GRM8: variants seen among roughly 807,000 people sequenced by gnomAD.
GRM8 encodes the protein glutamate metabotropic receptor 8.
GRM8 carries 47 observed loss-of-function variants against 87.2 expected under a neutral mutation model. That is an observed-to-expected ratio of 0.54 (90% CI 0.43 to 0.69). GRM8 has a LOEUF of 0.69. GRM8 is among the 30% of genes least tolerant of loss of function. The pLI, the probability that GRM8 is intolerant of heterozygous loss-of-function variation, is 0.00. For synonymous variants in GRM8, 396 were observed against 404.5 expected (o/e 0.98, Z 0.25); for missense variants, 1,019 against 1,139.2 (o/e 0.89, Z 1.52).
chr7:127,216,025 G>A (rs908173929), intron 2 of GRM8, among the ~76,000 whole-genome samples: 2 of 152,162 alleles, frequency 1.3e-5, no homozygotes, highest in East Asian at 3.8e-4. Context: ...TTATGCCAAA[G>A]GATCAAATAA....
intron 7 of GRM8, among the ~76,000 whole-genome samples, chr7:126,655,901 T>C (rs1804470168): frequency 6.6e-6 from 1 of 152,186 alleles, no homozygotes; most frequent in Admixed American, 6.5e-5. Context: ...GGTACCTATA[T>C]TTATAGAAAC....
chr7:126,541,387 A>C (rs935099884), intron 8 of GRM8, among the ~76,000 whole-genome samples: 1 of 152,234 alleles, frequency 6.6e-6, no homozygotes, highest in Non-Finnish European at 1.5e-5. Flanking sequence ...AAGGTAGATA[A>C]AAGCAGTGGA....
chr7:126,778,846 T>C (rs922255053), intron 6 of GRM8, among the ~76,000 whole-genome samples: 2 of 152,068 alleles, frequency 1.3e-5, no homozygotes. Context: ...ACAGTCTATT[T>C]TTTAAATTAC....
At chr7:127,199,548 T>C (rs976568604) in intron 2 of GRM8, among the ~76,000 whole-genome samples, 9 of 152,242 alleles carry the variant, frequency 5.9e-5, no homozygotes, top group African/African-American at 2.2e-4. Context: ...CTGGCTTGGA[T>C]GCTGATTGCC....
intron 8 of GRM8, among the ~76,000 whole-genome samples, chr7:126,558,192 C>A (rs1233310796): frequency 1.3e-5 from 2 of 152,122 alleles, no homozygotes; most frequent in Non-Finnish European, 2.9e-5. Flanking sequence ...GAGTTAAGTA[C>A]ATGTAAGTAC....
chr7:127,033,852 G>A (rs977603737), intron 3 of GRM8, among the ~76,000 whole-genome samples: 2 of 152,196 alleles, frequency 1.3e-5, no homozygotes, highest in Non-Finnish European at 2.9e-5. Context: ...AATCACATGT[G>A]TAAACACATT....
intron 7 of GRM8, among the ~76,000 whole-genome samples, chr7:126,663,349 C>T (rs1413246612): frequency 6.6e-6 from 1 of 152,110 alleles, no homozygotes; most frequent in Non-Finnish European, 1.5e-5. Context: ...AAAAAGAAAA[C>T]TACAGGCCAA....
chr7:126,881,401 G>A (rs1022567724), intron 6 of GRM8, among the ~76,000 whole-genome samples: 4 of 152,178 alleles, frequency 2.6e-5, no homozygotes, highest in Non-Finnish European at 4.4e-5. Flanking sequence ...GCACAGGACC[G>A]AAGTAGGACA....
At chr7:127,078,753 C>T (rs1822546506) in intron 3 of GRM8, among the ~76,000 whole-genome samples, 2 of 152,186 alleles carry the variant, frequency 1.3e-5, no homozygotes, top group Admixed American at 1.3e-4. Context: ...AATGTAACAG[C>T]CTATCTAAAT....
At chr7:126,753,925 C>T (rs903723174) in intron 7 of GRM8, among the ~76,000 whole-genome samples, 1 of 151,892 alleles carries the variant, frequency 6.6e-6, no homozygotes, top group Admixed American at 6.6e-5. Flanking sequence ...ATATCATTGC[C>T]TTTGCCAGGA....
chr7:126,552,678 C>A (rs1023699490), intron 8 of GRM8, among the ~76,000 whole-genome samples: 1 of 152,056 alleles, frequency 6.6e-6, no homozygotes, highest in African/African-American at 2.4e-5. Context: ...TTGGCCAAAG[C>A]ATTTTAGCTA....
At chr7:126,805,655 C>G (rs1792601826) in intron 6 of GRM8, among the ~76,000 whole-genome samples, 2 of 152,176 alleles carry the variant, frequency 1.3e-5, no homozygotes, top group South Asian at 4.2e-4. Context: ...CTGAACTCAG[C>G]TATCTTTTCA....
At chr7:126,949,897 T>C (rs17867123) in intron 3 of GRM8, among the ~76,000 whole-genome samples, 100 of 152,312 alleles carry the variant, frequency 6.6e-4, no homozygotes, top group African/African-American at 2.3e-3. Context: ...ATAGTCATGA[T>C]GAAAATGCCT....
At chr7:126,451,463 T>A (rs991296983) in intron 9 of GRM8, among the ~76,000 whole-genome samples, 2 of 151,746 alleles carry the variant, frequency 1.3e-5, no homozygotes, top group African/African-American at 4.8e-5. Context: ...CTCATTTGGA[T>A]CAGTACTGTA....
chr7:126,744,948 T>C (rs74680140), intron 7 of GRM8, among the ~76,000 whole-genome samples: 73 of 145,628 alleles, frequency 5.0e-4, no homozygotes, highest in East Asian at 3.3e-3. Context: ...AAATATGTTA[T>C]TTATTAACAT....
chr7:126,921,947 G>C (rs1375945289), intron 3 of GRM8, among the ~76,000 whole-genome samples: 1 of 152,076 alleles, frequency 6.6e-6, no homozygotes, highest in African/African-American at 2.4e-5. Flanking sequence ...ATGATGAAGA[G>C]AAGCAGAGTT....
chr7:126,540,954 G>A (rs1428042469), intron 8 of GRM8, among the ~76,000 whole-genome samples: 1 of 152,182 alleles, frequency 6.6e-6, no homozygotes. Flanking sequence ...AAAATGTGGA[G>A]ACTATTTAAG....
chr7:126,617,969 C>T (rs1799696326), intron 7 of GRM8, among the ~76,000 whole-genome samples: 1 of 152,154 alleles, frequency 6.6e-6, no homozygotes, highest in Admixed American at 6.6e-5. Context: ...TTTATAGATT[C>T]AATGCCATCC....
Position 127,069,609 on chromosome 7 carries a change from G to A in GRM8, c.727+36887C>T, listed in dbSNP as rs553625281. Among the ~76,000 whole-genome samples the A allele has an allele frequency of 7.9e-5, 12 of 152,348 alleles. No individual in the cohort carries two copies. The South Asian group carries it at 2.5e-3, about 32-fold the overall frequency. ...GACAAAGCAGATGAGAGAACCCCAA[G>A]AGGAAAGTAGAGAACTGTTGACATT... is the stretch of plus-strand genomic sequence containing the variant. On this transcript the variant is annotated intron_variant, in intron 3 of 10. Coordinates refer to ENST00000339582, the MANE Select transcript of GRM8 (RefSeq NM_000845.3).
Sources: allele counts gnomAD v4.1 joint callset (sites outside exome capture counted in the v4.1 genomes callset), GRCh38; gene constraint gnomAD v4.1.1; transcripts MANE v1.5; gene names NCBI Gene and HGNC (gene_info 2026-07-23, HGNC 2026-07-21).